DPP10: variants seen among roughly 807,000 people sequenced by gnomAD.
DPP10 encodes the protein dipeptidyl peptidase like 10.
In DPP10, 33 loss-of-function variants were observed where a neutral mutation model predicts 120.9. That is an observed-to-expected ratio of 0.27 (90% CI 0.21 to 0.37). The LOEUF (loss-of-function observed/expected upper bound fraction) is 0.37. Among genes scored for constraint, DPP10 ranks in the 10% least tolerant of loss-of-function variants. DPP10 has a pLI of 1.00. For missense variants in DPP10, 816 were observed against 942.8 expected, an observed-to-expected ratio of 0.87 and a Z score of 1.76; for synonymous variants, 337 against 326.1, an observed-to-expected ratio of 1.03 and a Z score of -0.36.
intron 1 of DPP10, among the ~76,000 whole-genome samples, chr2:114,685,806 T>A (rs1699324840): frequency 1.3e-5 from 2 of 151,954 alleles, no homozygotes; most frequent in Admixed American, 1.3e-4. Flanking sequence ...AAGACCCCAT[T>A]ATTCCTTGTC....
In DPP10 at chr2:114,980,428, T is replaced by A. The variant is rs1177347841; in HGVS notation, c.61-328811T>A. On this transcript the variant is annotated intron_variant, in intron 1 of 25. Coordinates refer to ENST00000410059, the MANE Select transcript of DPP10 (RefSeq NM_020868.6). ...CTATCTATAAATGCCTATTGACACT[T>A]TTTTAATATCCCTGTAAAATTACGT... Among the ~76,000 whole-genome samples the A allele has an allele frequency of 2.6e-5, 4 of 152,116 alleles. No individual in the cohort carries two copies. The East Asian group carries it at 7.7e-4, about 29-fold the overall frequency.
chr2:115,697,137 C>T (rs1201883160), intron 7 of DPP10, among the ~76,000 whole-genome samples: 1 of 151,766 alleles, frequency 6.6e-6, no homozygotes, highest in Non-Finnish European at 1.5e-5. Flanking sequence ...AAAAATTAAA[C>T]TCAAATAAGA....
intron 1 of DPP10, among the ~76,000 whole-genome samples, chr2:114,847,791 CA>C (rs1688659436): frequency 6.6e-6 from 1 of 152,042 alleles, no homozygotes; most frequent in African/African-American, 2.4e-5. Context: ...TAGTTTCAAT[CA>C]TTAAAATGCA....
chr2:114,619,571 A>G (rs1693937862), intron 1 of DPP10, among the ~76,000 whole-genome samples: 1 of 151,722 alleles, frequency 6.6e-6, no homozygotes, highest in African/African-American at 2.4e-5. Context: ...CTCTGAAAGG[A>G]TTTTCCAAAA....
chr2:114,627,058 G>A (rs577948777), intron 1 of DPP10, among the ~76,000 whole-genome samples: 12 of 151,950 alleles, frequency 7.9e-5, no homozygotes, highest in Non-Finnish European at 1.5e-4. Flanking sequence ...GTGAACACAC[G>A]AAGCTCCATA....
chr2:115,187,268 C>G (rs1027120824), intron 1 of DPP10, among the ~76,000 whole-genome samples: 4 of 151,560 alleles, frequency 2.6e-5, no homozygotes, highest in Admixed American at 6.6e-5. Flanking sequence ...GATCTCCTGA[C>G]CTCATGATCC....
At chr2:115,766,975 T>C (rs1250952600) in intron 12 of DPP10, among the ~76,000 whole-genome samples, 2 of 152,114 alleles carry the variant, frequency 1.3e-5, no homozygotes, top group Non-Finnish European at 2.9e-5. Context: ...CAATACGACA[T>C]GAGATTTGGG....
At chr2:115,526,079 A>C in intron 5 of DPP10, 107 bp downstream of exon 5, 1 of 806,300 alleles carries the variant, frequency 1.2e-6, no homozygotes, top group Non-Finnish European at 2.0e-6. Context: ...TGGCATGTCT[A>C]GTAACTACCG....
chr2:114,685,774 C>T (rs544229356), intron 1 of DPP10, among the ~76,000 whole-genome samples: 2 of 151,930 alleles, frequency 1.3e-5, no homozygotes, highest in African/African-American at 2.4e-5. Flanking sequence ...GCTCTGTCCT[C>T]TCCATCACTT....
intron 1 of DPP10, among the ~76,000 whole-genome samples, chr2:115,142,508 A>T (rs1450524538): frequency 6.6e-6 from 1 of 152,186 alleles, no homozygotes; most frequent in Non-Finnish European, 1.5e-5. Context: ...GACCAAGTTT[A>T]GAAATTGAAG....
intron 5 of DPP10, among the ~76,000 whole-genome samples, chr2:115,587,089 C>CTTTTTTTTTTTTTTTTTTTTTTT (rs756810925): frequency 6.7e-5 from 7 of 103,914 alleles, no homozygotes; most frequent in African/African-American, 1.1e-4. Context: ...TTTTCTCTTT[C>CTTTTTTTTTTTTTTTTTTTTTTT]TTTTTTTTTT....
chr2:115,796,597 G>A (rs978580740), intron 19 of DPP10, among the ~76,000 whole-genome samples: 3 of 152,058 alleles, frequency 2.0e-5, no homozygotes, highest in African/African-American at 7.2e-5. Flanking sequence ...AGAATGAGAC[G>A]CGAGTTTCTA....
intron 1 of DPP10, among the ~76,000 whole-genome samples, chr2:114,732,725 G>C (rs896635759): frequency 5.3e-5 from 8 of 152,082 alleles, no homozygotes; most frequent in African/African-American, 1.9e-4. Context: ...TGTTTTATTT[G>C]TTTTTCAATA....
At chr2:114,752,139 TGAGAACCAC>T (rs1232503641) in intron 1 of DPP10, among the ~76,000 whole-genome samples, 11 of 140,604 alleles carry the variant, frequency 7.8e-5, no homozygotes, top group Admixed American at 2.8e-4. Context: ...GTCTACACAC[TGAGAACCAC>T]TGCCTTAGCC....
At chr2:115,484,779 A>T (rs2075664460) in intron 3 of DPP10, among the ~76,000 whole-genome samples, 1 of 152,162 alleles carries the variant, frequency 6.6e-6, no homozygotes, top group African/African-American at 2.4e-5. Flanking sequence ...TTCGGGAGGT[A>T]ATCTCATTCA....
chr2:115,836,348 CAT>C (rs772637829), intron 22 of DPP10, 92 bp downstream of exon 22: 30 of 1,383,314 alleles, frequency 2.2e-5, no homozygotes, highest in African/African-American at 4.3e-5. Context: ...GCTCATTTAT[CAT>C]ATGTTATTAG....
intron 1 of DPP10, among the ~76,000 whole-genome samples, chr2:115,030,122 C>T (rs531850010): frequency 3.3e-5 from 5 of 152,216 alleles, no homozygotes; most frequent in African/African-American, 1.2e-4. Context: ...TTCACCATGT[C>T]CTAGGGAATC....
chr2:114,624,367 G>A (rs1694327552), intron 1 of DPP10, among the ~76,000 whole-genome samples: 2 of 151,832 alleles, frequency 1.3e-5, no homozygotes, highest in Admixed American at 1.3e-4. Context: ...AGGGCATAGG[G>A]GATAATCAAA....
rs552871178 is a variant in DPP10, at chr2:114,952,696, A to G, written c.61-356543A>G. On this transcript the variant is annotated intron_variant, in intron 1 of 25. Transcript: ENST00000410059. ...GTATAGACATTAGTGTGAATACAAC[A>G]TGTGTTGGGGAAGGGTGAGATGGAA... 3.9e-5 allele frequency among the ~76,000 whole-genome samples: 6 copies of G among 152,328 alleles called. No individual in the cohort carries two copies. In the East Asian group the frequency reaches 9.6e-4, roughly 24 times the overall value.
Sources: allele counts gnomAD v4.1 joint callset (sites outside exome capture counted in the v4.1 genomes callset), GRCh38; gene constraint gnomAD v4.1.1; transcripts MANE v1.5; gene names NCBI Gene and HGNC (gene_info 2026-07-23, HGNC 2026-07-21).